The following LOC400499 variants were observed in gnomAD, a reference collection of about 807,000 sequenced individuals.
chr16:11,379,892 G>A, the LOC400499 span, among the ~76,000 whole-genome samples: 1 of 152,208 alleles, frequency 6.6e-6, no homozygotes, highest in Non-Finnish European at 1.5e-5. Context: ...AAACTGGTAA[G>A]TTCAATCACA....
At chr16:11,462,000 G>A in the LOC400499 span, 41 of 953,610 alleles carry the variant, frequency 4.3e-5, 2 homozygotes, top group Non-Finnish European at 4.9e-5. Context: ...TCTGCCCTTG[G>A]ATGGGATGTT....
the LOC400499 span, chr16:11,385,396 C>T: frequency 8.1e-7 from 1 of 1,232,272 alleles, no homozygotes; most frequent in African/African-American, 1.5e-5. Context: ...ACGTGCTGGG[C>T]CCCAGCCACC....
At chr16:11,391,980 GC>G in the LOC400499 span, 1 of 442,822 alleles carries the variant, frequency 2.3e-6, no homozygotes, top group Non-Finnish European at 3.8e-6. Flanking sequence ...TCCAACCTGA[GC>G]CCCCACCCTC....
At chr16:11,507,306 C>A in the LOC400499 span, among the ~76,000 whole-genome samples, 4 of 152,180 alleles carry the variant, frequency 2.6e-5, no homozygotes, top group African/African-American at 9.7e-5. Context: ...ATGGTGGTAT[C>A]CAGTGAGGAG....
chr16:11,386,999 A>G, the LOC400499 span: 3 of 822,874 alleles, frequency 3.6e-6, no homozygotes, highest in Non-Finnish European at 3.3e-6. Context: ...TGGGAAGTCC[A>G]GTAAGCTCTG....
At chr16:11,481,344 C>T in the LOC400499 span, among the ~76,000 whole-genome samples, 8 of 151,992 alleles carry the variant, frequency 5.3e-5, 1 homozygote, top group South Asian at 1.0e-3. Context: ...TTTTTTGAGA[C>T]GAAGTCTCAC....
At chr16:11,401,740 A>G in the LOC400499 span, among the ~76,000 whole-genome samples, 2 of 152,194 alleles carry the variant, frequency 1.3e-5, no homozygotes, top group African/African-American at 4.8e-5. Context: ...ACACGGGCCC[A>G]TTAATAGCGC....
chr16:11,401,863 C>G, the LOC400499 span, among the ~76,000 whole-genome samples: 1 of 152,184 alleles, frequency 6.6e-6, no homozygotes, highest in African/African-American at 2.4e-5. Flanking sequence ...TTGTGGGGAC[C>G]CAGGTCTCCT....
the LOC400499 span, chr16:11,384,292 T>C: frequency 2.5e-5 from 31 of 1,232,250 alleles, no homozygotes; most frequent in Non-Finnish European, 3.0e-5. Flanking sequence ...GCCTGCTTCA[T>C]TGTCATTGGT....
At chr16:11,396,727 C>G in the LOC400499 span, 12 of 1,215,872 alleles carry the variant, frequency 9.9e-6, no homozygotes, top group Non-Finnish European at 1.2e-5. Context: ...GCAGCTTCCT[C>G]TCTCCCCAGT....
At chr16:11,382,293 A>G in the LOC400499 span, among the ~76,000 whole-genome samples, 1 of 152,110 alleles carries the variant, frequency 6.6e-6, no homozygotes, top group Non-Finnish European at 1.5e-5. Context: ...CATATTTTCC[A>G]ATTCATTAAT....
the LOC400499 span, chr16:11,465,149 C>T: frequency 6.6e-6 from 1 of 152,260 alleles, no homozygotes; most frequent in Non-Finnish European, 1.5e-5. Context: ...GGGATCAAGT[C>T]TAAAGCTGCT....
chr16:11,509,730 C>A, the LOC400499 span, among the ~76,000 whole-genome samples: 1 of 152,026 alleles, frequency 6.6e-6, no homozygotes, highest in Non-Finnish European at 1.5e-5. Flanking sequence ...ACACGGGAGG[C>A]TGAGGCAGAA....
chr16:11,462,521 C>T, the LOC400499 span: 2 of 781,158 alleles, frequency 2.6e-6, no homozygotes, highest in Non-Finnish European at 3.1e-6. Flanking sequence ...CCTCCACCTC[C>T]TGGGTTCAAG....
the LOC400499 span, chr16:11,414,652 G>A: frequency 2.5e-6 from 1 of 397,984 alleles, no homozygotes; most frequent in African/African-American, 2.1e-5. Flanking sequence ...CCACAGCGTG[G>A]GTGCTGGGTG....
the LOC400499 span, chr16:11,462,252 C>T: frequency 6.5e-7 from 1 of 1,529,200 alleles, no homozygotes; most frequent in East Asian, 2.5e-5. Context: ...TCCAGCTGCG[C>T]CTGGAACCGC....
chr16:11,431,766 G>C, the LOC400499 span, among the ~76,000 whole-genome samples: 1 of 152,150 alleles, frequency 6.6e-6, no homozygotes, highest in Non-Finnish European at 1.5e-5. Flanking sequence ...CAGTGTGTTT[G>C]CACCTATGGC....
chr16:11,448,196 G>C, the LOC400499 span: 1 of 1,241,870 alleles, frequency 8.1e-7, no homozygotes, highest in East Asian at 2.6e-5. Context: ...ATGACTATCC[G>C]AGAATGGCTA....
chr16:11,384,349 G>T, the LOC400499 span: 2 of 1,207,982 alleles, frequency 1.7e-6, no homozygotes, highest in Non-Finnish European at 2.1e-6. Flanking sequence ...GGAAGCGGAG[G>T]CCGGCCGTAA....
Sources: allele counts gnomAD v4.1 joint callset (sites outside exome capture counted in the v4.1 genomes callset), GRCh38; gene constraint gnomAD v4.1.1; transcripts MANE v1.5.